The following DGKB variants were observed in gnomAD, a reference collection of about 807,000 sequenced individuals.
DGKB encodes diacylglycerol kinase beta, also known as 90 kDa diacylglycerol kinase.
In DGKB, 67 loss-of-function variants were observed where a neutral mutation model predicts 114.3. The observed-to-expected ratio is 0.59, with a 90% CI of 0.48 to 0.72. The LOEUF (loss-of-function observed/expected upper bound fraction) is 0.72, where lower values mean the gene tolerates loss of function less well. Among genes scored for constraint, DGKB ranks in the 30% least tolerant of loss-of-function variants. DGKB has a pLI of 0.00. For synonymous variants in DGKB, 398 were observed against 323.1 expected, an observed-to-expected ratio of 1.23 and a Z score of -2.49; for missense variants, 907 against 975.2, an observed-to-expected ratio of 0.93 and a Z score of 0.93.
intron 21 of DGKB, among the ~76,000 whole-genome samples, chr7:14,391,500 G>A (rs1285370731): frequency 1.3e-5 from 2 of 149,382 alleles, no homozygotes; most frequent in African/African-American, 2.5e-5. Context: ...CAACATGGCC[G>A]GTCTACAAAA....
At chr7:14,613,089 A>G (rs1355618317) in intron 16 of DGKB, among the ~76,000 whole-genome samples, 1 of 152,094 alleles carries the variant, frequency 6.6e-6, no homozygotes, top group Non-Finnish European at 1.5e-5. Flanking sequence ...GTTAGGGGAT[A>G]GGGGTGATAG....
chr7:14,589,504 T>C (rs1331793678), intron 17 of DGKB, among the ~76,000 whole-genome samples: 1 of 152,060 alleles, frequency 6.6e-6, no homozygotes, highest in African/African-American at 2.4e-5. Flanking sequence ...ATTTAGGATA[T>C]CTGTTATTGA....
intron 21 of DGKB, among the ~76,000 whole-genome samples, chr7:14,364,720 A>G (rs993810295): frequency 6.6e-6 from 1 of 151,966 alleles, no homozygotes; most frequent in African/African-American, 2.4e-5. Context: ...TAAGAGGGAG[A>G]TGCCGCCCAT....
In DGKB at chr7:14,832,142, T is replaced by A. The variant is rs6970424; in HGVS notation, c.70+9052A>T. On this transcript the variant is annotated intron_variant, in intron 2 of 25. Transcript: ENST00000402815. ...GACCTTTGAAATAGTCTTTTTTATT[T>A]TCTTAATTACACCGTTGAGAAAATT... 3.0e-3 allele frequency among the ~76,000 whole-genome samples: 453 copies of A among 152,220 alleles called. 3 individuals carry two copies. The highest frequency in any genetic ancestry group is 0.01 in the African/African-American group (427 of 41,558).
At chr7:14,233,233 TG>T (rs1026472202) in intron 23 of DGKB, among the ~76,000 whole-genome samples, 2 of 151,892 alleles carry the variant, frequency 1.3e-5, no homozygotes, top group Non-Finnish European at 2.9e-5. Context: ...AAGGAAGTGG[TG>T]GGGAAACAAT....
At chr7:14,510,068 C>T (rs1258248388) in intron 20 of DGKB, among the ~76,000 whole-genome samples, 1 of 151,928 alleles carries the variant, frequency 6.6e-6, no homozygotes, top group Non-Finnish European at 1.5e-5. Context: ...CCCAGCTACT[C>T]GGGAGGCTGA....
intron 20 of DGKB, among the ~76,000 whole-genome samples, chr7:14,552,797 T>C: frequency 6.6e-6 from 1 of 152,236 alleles, no homozygotes; most frequent in East Asian, 1.9e-4. Context: ...TCTATAGTTC[T>C]CAGATGTGTG....
In DGKB at chr7:14,453,836, C is replaced by A. The variant is rs192091651; in HGVS notation, c.1835+24325G>T. On this transcript the variant is annotated intron_variant, in intron 21 of 25. Transcript: ENST00000402815. ...CTTGGTTGTGTTCCACAAAACATTC[C>A]TTTTATAAAGTAAGCAGAGGGCCAG... Among the ~76,000 whole-genome samples, 46 of 152,192 alleles carry A rather than the reference C, an allele frequency of 3.0e-4. 1 individual carries two copies. In the East Asian group the frequency reaches 6.9e-3, roughly 23 times the overall value.
At chr7:14,556,106 C>T (rs1430614914) in intron 20 of DGKB, among the ~76,000 whole-genome samples, 1 of 152,138 alleles carries the variant, frequency 6.6e-6, no homozygotes, top group Non-Finnish European at 1.5e-5. Flanking sequence ...ATTGGGACTC[C>T]TTTCCGGTAA....
chr7:14,900,608 T>C (rs1782868200), intron 1 of DGKB, among the ~76,000 whole-genome samples: 1 of 152,140 alleles, frequency 6.6e-6, no homozygotes, highest in Non-Finnish European at 1.5e-5. Flanking sequence ...GCATCAGTCA[T>C]AGGATACTAG....
chr7:14,277,396 C>T (rs1010946432), intron 23 of DGKB, among the ~76,000 whole-genome samples: 1 of 152,106 alleles, frequency 6.6e-6, no homozygotes, highest in Non-Finnish European at 1.5e-5. Context: ...TGGTCTCGAA[C>T]GCCTGGCCAC....
At chr7:14,150,758 A>G (rs1166580016) in intron 25 of DGKB, among the ~76,000 whole-genome samples, 2 of 152,110 alleles carry the variant, frequency 1.3e-5, no homozygotes, top group Non-Finnish European at 2.9e-5. Flanking sequence ...TTTTCTCTCA[A>G]TAAGTCAGCA....
intron 1 of DGKB, among the ~76,000 whole-genome samples, chr7:14,862,141 A>G (rs1851069929): frequency 6.6e-6 from 1 of 151,906 alleles, no homozygotes; most frequent in African/African-American, 2.4e-5. Flanking sequence ...TTTCCCCCCC[A>G]GCTTCACCGA....
At chr7:14,781,042 A>G (rs1839010653) in intron 2 of DGKB, among the ~76,000 whole-genome samples, 1 of 152,054 alleles carries the variant, frequency 6.6e-6, no homozygotes, top group African/African-American at 2.4e-5. Flanking sequence ...ATATCTTGTG[A>G]TTCTTGATTA....
intron 20 of DGKB, among the ~76,000 whole-genome samples, chr7:14,547,688 G>C (rs1794503551): frequency 2.6e-5 from 4 of 151,390 alleles, no homozygotes; most frequent in Admixed American, 2.6e-4. Context: ...TTTTTTTAAT[G>C]TTAAAAAAAT....
Position 14,598,463 on chromosome 7 carries a change from T to C in DGKB, c.1433+8971A>G, listed in dbSNP as rs189417906. Among the ~76,000 whole-genome samples the C allele has an allele frequency of 8.9e-4, 136 of 152,348 alleles. 2 individuals carry two copies. In the East Asian group the frequency reaches 0.018, roughly 21 times the overall value. ...TTGCTTTGGGGCAGAGAATTAACTA[T>C]TAATTTTAAAGCAGATGCTCATGTT... On this transcript the variant is annotated intron_variant, in intron 17 of 25. Transcript: ENST00000402815.
rs539566619 is a variant in DGKB at position 14,333,567 on chromosome 7, G to C, written c.2122+4948C>G. Among the ~76,000 whole-genome samples, 5 of 151,180 alleles carry C rather than the reference G, an allele frequency of 3.3e-5. No individual in the cohort carries two copies. In the East Asian group the frequency reaches 9.7e-4, roughly 29 times the overall value. ...TATTTTTCATAGATTTCTGCATTTT[G>C]TTTTGGTTTTGTGGTATTGGCAATA... On this transcript the variant is annotated intron_variant, in intron 23 of 25. Transcript: ENST00000402815.
intron 20 of DGKB, among the ~76,000 whole-genome samples, chr7:14,530,754 TCTTTC>T (rs1224943635): frequency 2.0e-5 from 3 of 151,662 alleles, no homozygotes; most frequent in East Asian, 1.9e-4. Context: ...TTAGACTAAA[TCTTTC>T]CTTTGTCTCT....
chr7:14,741,421 G>C (rs138178243), intron 4 of DGKB, among the ~76,000 whole-genome samples: 1,977 of 152,278 alleles, frequency 0.013, 34 homozygotes, highest in African/African-American at 0.045. Context: ...GGTTCTGTCA[G>C]AAAGAGGAGT....
Sources: gnomAD v4.1 joint callset for allele counts (sites outside exome capture counted in the v4.1 genomes callset) on GRCh38, gnomAD v4.1.1 for gene constraint, MANE v1.5 for transcripts, NCBI Gene and HGNC (gene_info 2026-07-23, HGNC 2026-07-21) for gene names.